Variants in ULK1 observed in about 807,000 individuals in gnomAD.
The protein encoded by ULK1 is serine/threonine-protein kinase ULK1.
ULK1 carries 48 observed loss-of-function variants against 117.5 expected under a neutral mutation model. That is an observed-to-expected ratio of 0.41 (90% CI 0.32 to 0.52). The LOEUF (loss-of-function observed/expected upper bound fraction) is 0.52, where lower values mean the gene tolerates loss of function less well. ULK1 is among the 20% of genes least tolerant of loss of function. ULK1 has a pLI of 0.29. For missense variants in ULK1, 1,387 were observed against 1,473.4 expected, an observed-to-expected ratio of 0.94 and a Z score of 0.96; for synonymous variants, 790 against 637.8, an observed-to-expected ratio of 1.24 and a Z score of -3.60.
chr12:131,907,940 G>A (rs1455003615), intron 5 of ULK1, among the ~76,000 whole-genome samples: 1 of 149,234 alleles, frequency 6.7e-6, no homozygotes, highest in Non-Finnish European at 1.5e-5. Flanking sequence ...GGGGGCGGCC[G>A]CGCCCGTCTG....
At chr12:131,914,942 T>C in intron 16 of ULK1, 141 bp from the exon 17 acceptor site, 1 of 1,270,186 alleles carries the variant, frequency 7.9e-7, no homozygotes, top group Non-Finnish European at 1.1e-6. Context: ...CTGTCAGCAC[T>C]GTAGCCACTT....
intron 16 of ULK1, among the ~76,000 whole-genome samples, chr12:131,914,744 G>A (rs543568712): frequency 9.8e-5 from 15 of 152,358 alleles, no homozygotes; most frequent in Admixed American, 7.8e-4. Context: ...ATGGTGGGAG[G>A]AAAGGGTACC....
intron 23 of ULK1, 65 bp downstream of exon 23, chr12:131,918,746 CGGGTGTGTGGGGT>C (rs1889981380): frequency 6.5e-6 from 3 of 460,750 alleles, no homozygotes; most frequent in Non-Finnish European, 9.3e-6. Context: ...TGTGGGGTGT[CGGGTGTGTGGGGT>C]ATAGGGTGTG....
In ULK1 at chr12:131,902,580, G is replaced by A. The variant is rs1889130657; in HGVS notation, c.247-4312G>A. ...TTGCTGTCTTTTTGAAGTGTTCTGAGCCTCAGATGCATGTGTTGGGACTTT... is the reference window on the plus strand; with the variant it reads ...TTGCTGTCTTTTTGAAGTGTTCTGAACCTCAGATGCATGTGTTGGGACTTT... On this transcript the variant is annotated intron_variant, in intron 3 of 27. Transcript: ENST00000321867. This position sits in a 1 kb window ranked among gnomAD's most constrained non-coding sequence, Gnocchi z 6.3. 6.6e-6 allele frequency among the ~76,000 whole-genome samples: 1 copy of A among 152,162 alleles called. No homozygotes were observed. The highest frequency in any genetic ancestry group is 1.5e-5 in the Non-Finnish European group (1 of 68,014).
Position 131,917,516 on chromosome 12 carries a change from G to A in ULK1, c.2288G>A (p.Ser763Asn), listed in dbSNP as rs372749013. The change falls in exon 22 of 28, where the codon AGC (serine) becomes AAC (asparagine). Residue 763 changes from serine to asparagine, a missense_variant. By Grantham distance (46) the Ser-to-Asn change is conservative (BLOSUM62 1). Coordinates refer to ENST00000321867, the MANE Select transcript of ULK1 (RefSeq NM_003565.4). ...VFTVGSPPSG[S>N]TPPQGPRTRM... ...ACCGTGGGCTCTCCCCCGAGCGGGA[G>A]CACGCCCCCCCAGGGCCCCCGCACC... 5 of 1,463,470 alleles carry A rather than the reference G, an allele frequency of 3.4e-6. No individual in the cohort carries two copies. In the African/African-American group the frequency reaches 4.4e-5, roughly 13 times the overall value. 90.7% of individuals were successfully genotyped at this position (1,463,470 alleles called of 1,614,324 possible). A position where few individuals can be genotyped will look rare whatever the true frequency, so the allele number is the denominator to read the frequency against.
Position 131,916,501 on chromosome 12 carries a change from T to C in ULK1, c.1982T>C (p.Leu661Pro). 6.2e-7 allele frequency: 1 copy of C among 1,612,272 alleles called. No homozygotes were observed. Among genetic ancestry groups the C allele is most frequent in the Non-Finnish European group, 8.5e-7 (1 of 1,179,762 alleles). ...VVMTPPRNRT[L>P]PDLSEVGPFH... ...ATGACGCCCCCTCGAAACCGGACGC[T>C]GCCCGACCTCTCGGAGGTGGGACCC... Residue 661 changes from leucine to proline, a missense_variant, in exon 20 of 28, where the codon CTG (leucine) becomes CCG (proline). Leu to Pro is a moderately conservative substitution (Grantham distance 98). Transcript: ENST00000321867.
rs1345307263 is a variant in ULK1, at chr12:131,913,261, G to C, written c.1157+3G>C. 6.3e-7 allele frequency: 1 copy of C among 1,575,646 alleles called. No homozygotes were observed. Among genetic ancestry groups the C allele is most frequent in the Non-Finnish European group, 8.6e-7 (1 of 1,163,534 alleles). The stretch of plus-strand genomic sequence containing the variant: ...CCAGACAGCCTGATGTGCAGTGGGT[G>C]AGCCCCCATCCCTTACCTCTGTATT... On this transcript the variant is annotated splice_donor_region_variant and intron_variant, in intron 14 of 27. Coordinates refer to ENST00000321867, the MANE Select transcript of ULK1 (RefSeq NM_003565.4).
chr12:131,907,618 C>G, intron 5 of ULK1, 87 bp downstream of exon 5: 2 of 1,503,728 alleles, frequency 1.3e-6, no homozygotes, highest in Non-Finnish European at 1.8e-6. Flanking sequence ...TGGGAGGCAG[C>G]CTGGCTCGAG....
intron 23 of ULK1, 40 bp from the exon 24 acceptor site, chr12:131,919,166 TCCAAGC>T: frequency 1.3e-6 from 2 of 1,551,850 alleles, no homozygotes; most frequent in Non-Finnish European, 1.7e-6. Context: ...ACAAGCCCCT[TCCAAGC>T]CCGGGCAGCA....
intron 21 of ULK1, 35 bp downstream of exon 21, chr12:131,917,097 T>TGGGGGGGAGCTGTGGGAC: frequency 2.3e-6 from 1 of 441,858 alleles, no homozygotes; most frequent in Non-Finnish European, 3.5e-6. Context: ...GGCTGTGGGA[T>TGGGGGGGAGCTGTGGGAC]GGGGGTCGGA....
At chr12:131,917,737 G>A (rs989009366) in intron 22 of ULK1, among the ~76,000 whole-genome samples, 183 bp downstream of exon 22, 6 of 152,150 alleles carry the variant, frequency 3.9e-5, no homozygotes, top group African/African-American at 1.4e-4. Flanking sequence ...AATGGACGTG[G>A]TTCTGGTATC....
At chr12:131,916,644 C>T (rs1443415279) in intron 20 of ULK1, 53 bp downstream of exon 20, 1 of 1,473,404 alleles carries the variant, frequency 6.8e-7, no homozygotes, top group Non-Finnish European at 9.0e-7. Flanking sequence ...GCCTCTTTCC[C>T]CTGCATTGTT....
At chr12:131,907,066 G>T in intron 4 of ULK1, 142 bp downstream of exon 4, 1 of 1,169,446 alleles carries the variant, frequency 8.6e-7, no homozygotes, top group Non-Finnish European at 1.2e-6. Context: ...GCCCAGGCTG[G>T]AGTGCAGTGC....
At chr12:131,915,495 C>T (rs1042442132) in intron 18 of ULK1, 74 bp downstream of exon 18, 2 of 1,522,554 alleles carry the variant, frequency 1.3e-6, no homozygotes, top group African/African-American at 1.4e-5. Context: ...TGGTCTAAAG[C>T]CCTTGCTCTT....
chr12:131,909,295 TGCGGTCAGAC>T, intron 8 of ULK1, 58 bp downstream of exon 8: 2 of 1,498,764 alleles, frequency 1.3e-6, no homozygotes, highest in South Asian at 1.3e-5. Flanking sequence ...GTCCGCCAGC[TGCGGTCAGAC>T]GCCCCCTGCG....
rs1232089566 is a variant in ULK1, at chr12:131,914,433, C to T, written c.1329C>T (p.Arg443=). ...PVPTQVQNYQ[R]IERNLQSPTQ... ...CCACGCAGGTGCAGAACTACCAGCG[C>T]ATTGAGCGAAACCTGCAGTCACCCA... The change falls in exon 16 of 28, where the codon CGC becomes CGT. Residue 443 remains arginine (R), a synonymous_variant. Transcript: ENST00000321867. 1.9e-6 allele frequency: 3 copies of T among 1,612,686 alleles called. No individual in the cohort carries two copies. The highest frequency in any genetic ancestry group is 2.5e-6 in the Non-Finnish European group (3 of 1,179,968).
chr12:131,913,816 C>G lies in ULK1; in HGVS notation c.1227C>G (p.Ser409Arg). Reference protein sequence around the residue: ...GRTPSPSPPCSSSPSPSGRAG... With the variant: ...GRTPSPSPPCRSSPSPSGRAG... ...CCCCATCTCCATCCCCACCCTGCAG[C>G]AGCTCCCCCAGTCCCTCAGGGTAAG... The change falls in exon 15 of 28, where the codon AGC becomes AGG. Residue 409 changes from serine to arginine, a missense_variant. Ser to Arg is a moderately radical substitution (Grantham distance 110, BLOSUM62 -1). Around this residue, in one of 4 missense-constraint regions of ULK1, gnomAD observed 260 missense variants for 271.6 expected, o/e 0.96. Transcript: ENST00000321867. 6.4e-7 allele frequency: 1 copy of G among 1,562,454 alleles called. No homozygotes were observed. The highest frequency in any genetic ancestry group is 1.2e-5 in the South Asian group (1 of 85,396).
At chr12:131,919,179 A>G in intron 23 of ULK1, 33 bp from the exon 24 acceptor site, 1 of 1,570,446 alleles carries the variant, frequency 6.4e-7, no homozygotes, top group Non-Finnish European at 8.6e-7. Context: ...AAGCCCGGGC[A>G]GCACTTGCCG....
intron 20 of ULK1, 37 bp downstream of exon 20, chr12:131,916,628 G>A: frequency 2.0e-6 from 3 of 1,508,302 alleles, no homozygotes; most frequent in Non-Finnish European, 2.6e-6. Flanking sequence ...GGGCTTCTGA[G>A]GGGCAGCCTC....
Sources: allele counts gnomAD v4.1 joint callset (sites outside exome capture counted in the v4.1 genomes callset), GRCh38; gene constraint gnomAD v4.1.1; regional missense constraint gnomAD v4.1.1; non-coding constraint Gnocchi (gnomAD v3.1); transcripts MANE v1.5; gene names NCBI Gene and HGNC (gene_info 2026-07-23, HGNC 2026-07-21).